MCC: variants seen among roughly 807,000 people sequenced by gnomAD.
MCC encodes colorectal mutant cancer protein.
A neutral mutation model predicts 116.2 loss-of-function variants in MCC; 90 were observed. That is an observed-to-expected ratio of 0.77 (90% CI 0.65 to 0.92). MCC has a LOEUF of 0.92. MCC is among the 40% of genes least tolerant of loss of function. MCC has a pLI of 0.00. For synonymous variants in MCC, 578 were observed against 510.5 expected, an observed-to-expected ratio of 1.13 and a Z score of -1.78; for missense variants, 1,516 against 1,312.2, an observed-to-expected ratio of 1.16 and a Z score of -2.40.
chr5:113,212,617 TTCTC>T (rs1763173652), intron 3 of MCC, among the ~76,000 whole-genome samples: 1 of 152,206 alleles, frequency 6.6e-6, no homozygotes, highest in South Asian at 2.1e-4. Flanking sequence ...AAACACAAAA[TTCTC>T]TATCATTTTA....
chr5:113,099,438 T>C (rs551479055), intron 8 of MCC, among the ~76,000 whole-genome samples: 1 of 152,362 alleles, frequency 6.6e-6, no homozygotes, highest in Non-Finnish European at 1.5e-5. Context: ...GGTGTTCAAC[T>C]TTCCGTATCA....
chr5:113,353,217 C>T (rs568225858), intron 2 of MCC, among the ~76,000 whole-genome samples: 1 of 152,272 alleles, frequency 6.6e-6, no homozygotes, highest in Non-Finnish European at 1.5e-5. Flanking sequence ...CTCAGACTTA[C>T]TGAGTTCTCG....
At chr5:113,443,941 G>C (rs1771126091) in intron 1 of MCC, among the ~76,000 whole-genome samples, 1 of 151,844 alleles carries the variant, frequency 6.6e-6, no homozygotes, top group African/African-American at 2.4e-5. Flanking sequence ...TCAAGCTTCA[G>C]CCTCCCAAGT....
intron 1 of MCC, among the ~76,000 whole-genome samples, chr5:113,412,862 G>C (rs1268800108): frequency 6.6e-6 from 1 of 152,168 alleles, no homozygotes; most frequent in Non-Finnish European, 1.5e-5. Context: ...TTTTCAAAGG[G>C]AATGCTTCCA....
chr5:113,464,623 T>G (rs1771845708), intron 1 of MCC, among the ~76,000 whole-genome samples: 1 of 152,236 alleles, frequency 6.6e-6, no homozygotes, highest in African/African-American at 2.4e-5. Flanking sequence ...TTTGTTTATT[T>G]ATCTCACCTC....
At chr5:113,351,604 G>T (rs935450053) in intron 2 of MCC, among the ~76,000 whole-genome samples, 5 of 152,134 alleles carry the variant, frequency 3.3e-5, no homozygotes, top group Admixed American at 1.3e-4. Flanking sequence ...AAAATAGTTA[G>T]AAAGAATGAA....
intron 8 of MCC, among the ~76,000 whole-genome samples, chr5:113,095,449 G>A (rs1174959007): frequency 4.6e-5 from 7 of 152,120 alleles, no homozygotes; most frequent in African/African-American, 1.4e-4. Flanking sequence ...AACAAAATGT[G>A]CATAAATCAT....
intron 3 of MCC, among the ~76,000 whole-genome samples, chr5:113,165,750 A>G (rs538019540): frequency 6.6e-6 from 1 of 152,298 alleles, no homozygotes; most frequent in African/African-American, 2.4e-5. Flanking sequence ...TCCAACCTGT[A>G]ACCACCCAAA....
chr5:113,361,080 C>T (rs989918036), intron 2 of MCC, among the ~76,000 whole-genome samples: 2 of 152,182 alleles, frequency 1.3e-5, no homozygotes. Context: ...AAACCTCAAC[C>T]AGCAGAGCCT....
intron 1 of MCC, among the ~76,000 whole-genome samples, chr5:113,408,691 C>T (rs866078955): frequency 3.9e-5 from 6 of 152,096 alleles, no homozygotes; most frequent in African/African-American, 9.7e-5. Context: ...TCCAGGGTTT[C>T]GATTAGAGCT....
At chr5:113,224,806 C>T (rs1192694858) in intron 3 of MCC, among the ~76,000 whole-genome samples, 1 of 152,190 alleles carries the variant, frequency 6.6e-6, no homozygotes, top group Non-Finnish European at 1.5e-5. Context: ...AGTTCACACT[C>T]CTGTTCGCAA....
intron 3 of MCC, among the ~76,000 whole-genome samples, chr5:113,212,349 T>C (rs1763164407): frequency 6.6e-6 from 1 of 152,200 alleles, no homozygotes; most frequent in Non-Finnish European, 1.5e-5. Context: ...CATGGGCATT[T>C]GTTGCTGACA....
chr5:113,304,316 G>A (rs1452762571), intron 3 of MCC, among the ~76,000 whole-genome samples: 1 of 152,194 alleles, frequency 6.6e-6, no homozygotes, highest in Non-Finnish European at 1.5e-5. Context: ...ACTACTTGAA[G>A]ACTATTTCCA....
chr5:113,209,885 GA>G (rs1763055815), intron 3 of MCC, among the ~76,000 whole-genome samples: 1 of 152,114 alleles, frequency 6.6e-6, no homozygotes, highest in South Asian at 2.1e-4. Flanking sequence ...AAAAAGGGGG[GA>G]AAGAAATTAC....
chr5:113,151,124 A>G (rs7731121), intron 4 of MCC, among the ~76,000 whole-genome samples, 185 bp downstream of exon 4: 6,121 of 152,304 alleles, frequency 0.04, 142 homozygotes, highest in Middle Eastern at 0.051. Context: ...ACTGTGAGAA[A>G]TAAGTGTTGT....
chr5:113,070,519 C>G (rs1384712379), intron 12 of MCC, among the ~76,000 whole-genome samples: 1 of 152,136 alleles, frequency 6.6e-6, no homozygotes, highest in African/African-American at 2.4e-5. Context: ...GGAAAATATT[C>G]ATATCCTTTG....
At chr5:113,118,755 G>T (rs1337454359) in intron 6 of MCC, among the ~76,000 whole-genome samples, 15 of 152,008 alleles carry the variant, frequency 9.9e-5, no homozygotes, top group Admixed American at 9.8e-4. Flanking sequence ...AAATTTAATT[G>T]GAAAATGGCG....
At chr5:113,036,158 C>T (rs910560366) in intron 17 of MCC, among the ~76,000 whole-genome samples, 1 of 151,614 alleles carries the variant, frequency 6.6e-6, no homozygotes, top group South Asian at 2.1e-4. Context: ...CTGCCTCAGC[C>T]TCCTGAGTAG....
intron 1 of MCC, among the ~76,000 whole-genome samples, chr5:113,478,415 T>C (rs1286180285): frequency 2.0e-5 from 3 of 152,122 alleles, no homozygotes; most frequent in African/African-American, 7.2e-5. Context: ...AAAGAGTTGG[T>C]AGGGTTGCCA....
Sources: gnomAD v4.1 joint callset for allele counts (sites outside exome capture counted in the v4.1 genomes callset) on GRCh38, gnomAD v4.1.1 for gene constraint, MANE v1.5 for transcripts, NCBI Gene and HGNC (gene_info 2026-07-23, HGNC 2026-07-21) for gene names.